Variants in MYO6 observed in about 807,000 individuals in gnomAD.
MYO6 encodes myosin VI, also known as unconventional myosin-VI.
In MYO6, 74 loss-of-function variants were observed where a neutral mutation model predicts 178.7. The ratio of observed to expected loss-of-function variants is 0.41; its 90% confidence interval spans 0.34 to 0.50. The LOEUF (loss-of-function observed/expected upper bound fraction) is 0.50. MYO6 is among the 20% of genes least tolerant of loss of function. The probability of loss-of-function intolerance (pLI) is 0.09; values close to 1 mark genes in which losing one functional copy is unlikely to be tolerated. For synonymous variants in MYO6, 477 were observed against 504.6 expected (o/e 0.95, Z 0.73); for missense variants, 1,330 against 1,547.4 (o/e 0.86, Z 2.36).
intron 24 of MYO6, among the ~76,000 whole-genome samples, 179 bp from the exon 25 acceptor site, chr6:75,886,665 C>T (rs1460190867): frequency 2.0e-5 from 3 of 152,172 alleles, no homozygotes; most frequent in Admixed American, 6.5e-5. Flanking sequence ...TGACAGGCAT[C>T]AGTGTCATTC....
chr6:75,819,168 G>T (rs1294938153), intron 2 of MYO6, among the ~76,000 whole-genome samples: 2 of 152,194 alleles, frequency 1.3e-5, no homozygotes, highest in African/African-American at 4.8e-5. Context: ...ATTAGGGAGT[G>T]ATATAAATTT....
rs199508553 is a variant in MYO6, at chr6:75,817,573, C to T, written c.26C>T (p.Ala9Val). MEDGKPVW[A>V]PHPTDGFQMG... Reference sequence around the variant, plus strand: ...ATGGAGGATGGAAAGCCCGTTTGGGCGCCACACCCTACAGATGGATTTCAG... The same window carrying T: ...ATGGAGGATGGAAAGCCCGTTTGGGTGCCACACCCTACAGATGGATTTCAG... Residue 9 changes from alanine (A) to valine (V), a missense_variant, in exon 2 of 35, where the codon GCG (alanine) becomes GTG (valine). Physicochemically the swap from Ala to Val is moderately conservative, Grantham distance 64. Coordinates refer to ENST00000369977, the MANE Select transcript of MYO6 (RefSeq NM_004999.4). 9.8e-5 allele frequency: 158 copies of T among 1,614,112 alleles called. No individual in the cohort carries two copies. Among genetic ancestry groups the T allele is most frequent in the Middle Eastern group, 4.9e-4 (3 of 6,062 alleles).
At position 75,915,215 on chromosome 6, in the gene MYO6, C is replaced by G. The variant is rs1002994151; in HGVS notation, c.*203C>G. The G allele has an allele frequency of 5.0e-6, 3 of 596,466 alleles. No homozygotes were observed. The highest frequency in any genetic ancestry group is 8.9e-6 in the Non-Finnish European group (3 of 336,648). 36.9% of individuals were successfully genotyped at this position (596,466 alleles called of 1,614,324 possible). On this transcript the variant is annotated 3_prime_UTR_variant, in exon 35 of 35. Coordinates refer to ENST00000369977, the MANE Select transcript of MYO6 (RefSeq NM_004999.4). ...ACCTAAACATTATTTTTCTGTATCC[C>G]GCTGTAATTCCCAAAACTCTCATTA...
At chr6:75,907,927 C>T (rs1392704028) in intron 31 of MYO6, among the ~76,000 whole-genome samples, 1 of 152,028 alleles carries the variant, frequency 6.6e-6, no homozygotes, top group Non-Finnish European at 1.5e-5. Flanking sequence ...TTTCTTCCCA[C>T]AGAACAATTA....
chr6:75,873,072 C>T (rs1035074297), intron 19 of MYO6, 135 bp from the exon 20 acceptor site: 5 of 744,564 alleles, frequency 6.7e-6, no homozygotes, highest in African/African-American at 1.7e-5. Flanking sequence ...TGCTCCCAGC[C>T]TTGAGTTCTT....
chr6:75,882,746 T>C (rs562134992), intron 23 of MYO6, among the ~76,000 whole-genome samples: 1 of 152,202 alleles, frequency 6.6e-6, no homozygotes, highest in Non-Finnish European at 1.5e-5. Flanking sequence ...TAAACATATA[T>C]GTTTATTGAA....
chr6:75,829,653 CTAAA>C (rs1469336325), intron 4 of MYO6, among the ~76,000 whole-genome samples: 6 of 151,826 alleles, frequency 4.0e-5, no homozygotes, highest in East Asian at 1.9e-4. Flanking sequence ...TCAAAATCAA[CTAAA>C]TAAAGAACAT....
At chr6:75,850,435 G>T (rs1775157066) in intron 11 of MYO6, among the ~76,000 whole-genome samples, 1 of 152,196 alleles carries the variant, frequency 6.6e-6, no homozygotes, top group Non-Finnish European at 1.5e-5. Flanking sequence ...TGTGGTTATT[G>T]ATGAAGTTGT....
chr6:75,776,653 A>T (rs1296493259), intron 1 of MYO6, among the ~76,000 whole-genome samples: 5 of 144,660 alleles, frequency 3.5e-5, no homozygotes, highest in Non-Finnish European at 6.1e-5. Context: ...AGAAACGTGC[A>T]GTGTGTGTGT....
intron 10 of MYO6, 33 bp downstream of exon 10, chr6:75,845,010 C>T: frequency 6.5e-7 from 1 of 1,528,362 alleles, no homozygotes; most frequent in South Asian, 1.1e-5. Context: ...AAATCTTTAA[C>T]TTAAAAAAAA....
At chr6:75,874,889 G>A (rs923678838) in intron 20 of MYO6, among the ~76,000 whole-genome samples, 3 of 152,162 alleles carry the variant, frequency 2.0e-5, no homozygotes, top group African/African-American at 7.2e-5. Flanking sequence ...TGATTGCCTT[G>A]TTCTGAAGCA....
intron 3 of MYO6, among the ~76,000 whole-genome samples, chr6:75,825,181 A>G (rs1373785514): frequency 3.3e-5 from 5 of 152,246 alleles, no homozygotes; most frequent in African/African-American, 1.2e-4. Flanking sequence ...CAGTAATTAA[A>G]AGGAAAATAA....
intron 1 of MYO6, among the ~76,000 whole-genome samples, chr6:75,781,228 T>A (rs1444763436): frequency 6.6e-6 from 1 of 152,124 alleles, no homozygotes; most frequent in Non-Finnish European, 1.5e-5. Context: ...TATGTAAAGT[T>A]AAAAGTAGGT....
intron 1 of MYO6, among the ~76,000 whole-genome samples, chr6:75,809,792 C>T (rs1390106615): frequency 6.6e-6 from 1 of 150,606 alleles, no homozygotes; most frequent in African/African-American, 2.4e-5. Flanking sequence ...GCCCGGCGTG[C>T]TGGCTGAGGC....
intron 4 of MYO6, among the ~76,000 whole-genome samples, chr6:75,829,680 A>G (rs939707736): frequency 6.6e-6 from 1 of 152,192 alleles, no homozygotes; most frequent in African/African-American, 2.4e-5. Flanking sequence ...TTAAGTTTAA[A>G]TGTGGCTATT....
At chr6:75,884,195 GA>G (rs563799788) in intron 23 of MYO6, among the ~76,000 whole-genome samples, 1 of 151,836 alleles carries the variant, frequency 6.6e-6, no homozygotes, top group Non-Finnish European at 1.5e-5. Flanking sequence ...AGGAAACTCT[GA>G]AAAAAAAGTT....
At chr6:75,829,576 A>C (rs1372137752) in intron 4 of MYO6, among the ~76,000 whole-genome samples, 1 of 152,134 alleles carries the variant, frequency 6.6e-6, no homozygotes, top group African/African-American at 2.4e-5. Flanking sequence ...TATTTATTCT[A>C]TTCCAAAAGA....
intron 1 of MYO6, among the ~76,000 whole-genome samples, chr6:75,799,946 G>T (rs1363805907): frequency 1.3e-5 from 2 of 151,970 alleles, no homozygotes; most frequent in Non-Finnish European, 2.9e-5. Flanking sequence ...TCTTTTAATG[G>T]CAGTGGTGGT....
intron 1 of MYO6, among the ~76,000 whole-genome samples, chr6:75,817,071 C>T (rs1771329166): frequency 6.6e-6 from 1 of 151,974 alleles, no homozygotes; most frequent in East Asian, 1.9e-4. Flanking sequence ...TTTGGGAGGC[C>T]GAGGCAGGCG....
Sources: allele counts gnomAD v4.1 joint callset (sites outside exome capture counted in the v4.1 genomes callset), GRCh38; gene constraint gnomAD v4.1.1; transcripts MANE v1.5; gene names NCBI Gene and HGNC (gene_info 2026-07-23, HGNC 2026-07-21).